PHACTR1: variants seen among roughly 807,000 people sequenced by gnomAD.
PHACTR1 encodes RPEL repeat containing 1.
PHACTR1 carries 16 observed loss-of-function variants against 69.2 expected under a neutral mutation model. The observed-to-expected ratio is 0.23, with a 90% CI of 0.16 to 0.35. The LOEUF is 0.35. Among genes scored for constraint, PHACTR1 ranks in the 10% least tolerant of loss-of-function variants. The pLI, the probability that PHACTR1 is intolerant of heterozygous loss-of-function variation, is 1.00. For synonymous variants in PHACTR1, 312 were observed against 284.5 expected (o/e 1.10, Z -0.97); for missense variants, 510 against 734.7 (o/e 0.69, Z 3.54).
At chr6:12,734,627 T>G (rs980158595) in intron 3 of PHACTR1, among the ~76,000 whole-genome samples, 2 of 152,178 alleles carry the variant, frequency 1.3e-5, no homozygotes, top group African/African-American at 4.8e-5. Context: ...GTTAATATAT[T>G]CATACAAGTG....
intron 3 of PHACTR1, among the ~76,000 whole-genome samples, chr6:12,743,837 A>G (rs1258900780): frequency 1.3e-5 from 2 of 152,196 alleles, no homozygotes; most frequent in Non-Finnish European, 2.9e-5. Context: ...CTCCACCCCA[A>G]ATCAACAGAA....
intron 5 of PHACTR1, among the ~76,000 whole-genome samples, chr6:13,088,319 C>G (rs902243066): frequency 6.2e-5 from 9 of 144,638 alleles, no homozygotes; most frequent in Non-Finnish European, 1.0e-4. Context: ...CCCACTACCC[C>G]CCGCAAAAAA....
At chr6:13,172,156 C>G (rs1266387875) in intron 6 of PHACTR1, among the ~76,000 whole-genome samples, 1 of 152,202 alleles carries the variant, frequency 6.6e-6, no homozygotes, top group African/African-American at 2.4e-5. Context: ...ATGACTGATT[C>G]TGTGAGATTC....
intron 4 of PHACTR1, among the ~76,000 whole-genome samples, chr6:12,944,787 A>ATTTTT (rs67157877): frequency 2.3e-3 from 267 of 116,390 alleles, no homozygotes; most frequent in South Asian, 5.1e-3. Flanking sequence ...ATTTTTATTT[A>ATTTTT]TTTTTTTTTT....
intron 5 of PHACTR1, among the ~76,000 whole-genome samples, chr6:13,117,181 C>T (rs959526294): frequency 5.9e-5 from 9 of 152,206 alleles, no homozygotes; most frequent in Admixed American, 1.3e-4. Flanking sequence ...GTCTTTTCCC[C>T]AGTCTCTTGG....
chr6:13,261,854 G>A lies in PHACTR1; in HGVS notation c.1392-11006G>A, dbSNP rs578089066. ...TTAGACAGACAAAGAGGAAGGAAAA[G>A]AATGGTAAGGCTATGAGGAAGGGCA... On this transcript the variant is annotated intron_variant, in intron 10 of 14. Coordinates refer to ENST00000332995, the MANE Select transcript of PHACTR1 (RefSeq NM_030948.6). 2.5e-3 allele frequency among the ~76,000 whole-genome samples: 386 copies of A among 152,326 alleles called. 4 individuals carry two copies. The highest frequency in any genetic ancestry group is 4.9e-3 in the Non-Finnish European group (332 of 68,026).
At chr6:12,889,834 A>G (rs1311189076) in intron 4 of PHACTR1, among the ~76,000 whole-genome samples, 2 of 136,358 alleles carry the variant, frequency 1.5e-5, no homozygotes, top group Middle Eastern at 3.9e-3. Context: ...CCAAACTGGC[A>G]GAGATAGATT....
chr6:12,895,902 A>G (rs993051519), intron 4 of PHACTR1, among the ~76,000 whole-genome samples: 7 of 152,224 alleles, frequency 4.6e-5, no homozygotes, highest in South Asian at 2.1e-4. Context: ...TCTGCTTTAA[A>G]TAGAATGAGC....
At chr6:13,128,372 G>A (rs775057155) in intron 5 of PHACTR1, among the ~76,000 whole-genome samples, 2 of 150,028 alleles carry the variant, frequency 1.3e-5, no homozygotes, top group Non-Finnish European at 3.0e-5. Flanking sequence ...AACAGAGAAC[G>A]GTGAAAACCA....
intron 5 of PHACTR1, among the ~76,000 whole-genome samples, chr6:13,117,840 G>T (rs542961927): frequency 3.3e-5 from 5 of 152,206 alleles, no homozygotes; most frequent in African/African-American, 1.2e-4. Context: ...CCTTTCCTGT[G>T]CTTTTATCCC....
chr6:12,931,315 G>A (rs1018188970), intron 4 of PHACTR1, among the ~76,000 whole-genome samples: 4 of 152,114 alleles, frequency 2.6e-5, no homozygotes, highest in African/African-American at 9.7e-5. Flanking sequence ...ACATTATTTT[G>A]GTTCATCTCC....
intron 5 of PHACTR1, among the ~76,000 whole-genome samples, chr6:13,090,821 G>A (rs1328136262): frequency 6.6e-6 from 1 of 152,104 alleles, no homozygotes; most frequent in Admixed American, 6.5e-5. Flanking sequence ...CAAGCCTTTT[G>A]TTGTTTGGAA....
At chr6:12,791,220 G>T (rs535246920) in intron 4 of PHACTR1, among the ~76,000 whole-genome samples, 1 of 152,328 alleles carries the variant, frequency 6.6e-6, no homozygotes, top group South Asian at 2.1e-4. Flanking sequence ...GAAGCAGGTA[G>T]AAGTTTTTAG....
At chr6:12,990,000 C>A (rs984905974) in intron 4 of PHACTR1, among the ~76,000 whole-genome samples, 1 of 152,170 alleles carries the variant, frequency 6.6e-6, no homozygotes, top group African/African-American at 2.4e-5. Context: ...GCGGGTCTCA[C>A]TCTGAGCATG....
At chr6:13,262,698 C>A (rs1776074380) in intron 10 of PHACTR1, among the ~76,000 whole-genome samples, 1 of 151,086 alleles carries the variant, frequency 6.6e-6, no homozygotes, top group Non-Finnish European at 1.5e-5. Context: ...TTCTCCCTTT[C>A]CCCTGATCCC....
intron 6 of PHACTR1, among the ~76,000 whole-genome samples, chr6:13,180,172 C>T (rs1413287123): frequency 6.6e-6 from 1 of 152,150 alleles, no homozygotes; most frequent in African/African-American, 2.4e-5. Context: ...TCTTGAAAAA[C>T]ATGTTCAAAA....
chr6:13,103,561 A>T (rs1815536325), intron 5 of PHACTR1, among the ~76,000 whole-genome samples: 1 of 152,238 alleles, frequency 6.6e-6, no homozygotes, highest in Non-Finnish European at 1.5e-5. Context: ...CTTCCAAAAC[A>T]AAAAGTATAT....
chr6:12,792,077 T>C (rs562587097), intron 4 of PHACTR1, among the ~76,000 whole-genome samples: 3 of 152,198 alleles, frequency 2.0e-5, no homozygotes, highest in Non-Finnish European at 4.4e-5. Flanking sequence ...TATATATGTA[T>C]GGATATGAAA....
rs1786652500 is a variant in PHACTR1, at chr6:12,913,652, A to G, written c.251-139713A>G. The stretch of plus-strand genomic sequence containing the variant: ...TCGCACATTTATCTCAGCCCCTCTC[A>G]AAATCAGAGAGGATCTCAGGGCCTC... On this transcript the variant is annotated intron_variant, in intron 4 of 14. Coordinates refer to ENST00000332995, the MANE Select transcript of PHACTR1 (RefSeq NM_030948.6). Among the ~76,000 whole-genome samples, 3 of 152,184 alleles carry G rather than the reference A, an allele frequency of 2.0e-5. No homozygotes were observed. The South Asian group carries it at 6.2e-4, about 32-fold the overall frequency.
Sources: gnomAD v4.1 joint callset for allele counts (sites outside exome capture counted in the v4.1 genomes callset) on GRCh38, gnomAD v4.1.1 for gene constraint, MANE v1.5 for transcripts, NCBI Gene and HGNC (gene_info 2026-07-23, HGNC 2026-07-21) for gene names.